USP48: variants seen among roughly 807,000 people sequenced by gnomAD.
The protein encoded by USP48 is ubiquitin specific peptidase 48.
Under a neutral mutation model 150.7 loss-of-function variants are expected in USP48, and 43 were observed. The observed-to-expected ratio is 0.29, with a 90% confidence interval of 0.22 to 0.37. The LOEUF is 0.37. Ranked by LOEUF, USP48 falls within the 10% of genes least tolerant of loss-of-function variation. The pLI, the probability that USP48 is intolerant of heterozygous loss-of-function variation, is 1.00. For synonymous variants in USP48, 396 were observed against 425.9 expected (o/e 0.93, Z 0.86); for missense variants, 813 against 1,249.6 (o/e 0.65, Z 5.27).
chr1:21,760,373 CAAAA>C (rs2097847020), intron 1 of USP48, among the ~76,000 whole-genome samples: 1 of 152,140 alleles, frequency 6.6e-6, no homozygotes, highest in African/African-American at 2.4e-5. Context: ...ATGGAAGTAA[CAAAA>C]TAAATTACAA....
intron 9 of USP48, among the ~76,000 whole-genome samples, chr1:21,730,767 CTTTT>C (rs202206884): frequency 7.0e-6 from 1 of 143,308 alleles, no homozygotes. Flanking sequence ...TATTTTTATT[CTTTT>C]TTTTTTTTTT....
chr1:21,765,901 C>CAAAA lies in USP48; in HGVS notation c.135-8122_135-8119dup, dbSNP rs199539331. On this transcript the variant is annotated intron_variant, in intron 1 of 26. Transcript: ENST00000308271. Reference sequence around the variant, plus strand: ...GGGCAACAAAGTGAGACTCCATCTCCAAAAAAAAAAAAAAAAAAAAAAAAA... The same window carrying CAAAA: ...GGGCAACAAAGTGAGACTCCATCTCCAAAAAAAAAAAAAAAAAAAAAAAAAAAAA... Among the ~76,000 whole-genome samples the CAAAA allele has an allele frequency of 1.2e-4, 13 of 112,142 alleles. 1 individual carries two copies. The highest frequency in any genetic ancestry group is 5.3e-4 in the African/African-American group (13 of 24,336). The allele number at this position is 112,142 out of a possible 152,430, so 73.6% of individuals were successfully genotyped here.
At chr1:21,757,881 A>G in intron 1 of USP48, 98 bp from the exon 2 acceptor site, 2 of 1,386,930 alleles carry the variant, frequency 1.4e-6, no homozygotes, top group Non-Finnish European at 1.9e-6. Context: ...CTCATCTATA[A>G]ATTAGCAAAA....
intron 1 of USP48, chr1:21,768,717 A>C (rs1253178108): frequency 8.0e-6 from 1 of 124,568 alleles, no homozygotes; most frequent in Non-Finnish European, 1.6e-5. Flanking sequence ...TCTTCTCCTC[A>C]TGGCTCCCAT....
At chr1:21,688,745 C>T (rs143670708) in intron 24 of USP48, among the ~76,000 whole-genome samples, 77 of 147,864 alleles carry the variant, frequency 5.2e-4, no homozygotes, top group African/African-American at 1.7e-3. Flanking sequence ...CGGGAGGCCG[C>T]GGCAGGAGAA....
chr1:21,694,809 G>C lies in USP48; in HGVS notation c.2883+257C>G, dbSNP rs191838011. ...AATAAAGTGAGAGAACAGTTATCCT[G>C]GCACAACCTCAACATGTGACAAATT... On this transcript the variant is annotated intron_variant, in intron 23 of 26. Transcript: ENST00000308271. 1.9e-3 allele frequency among the ~76,000 whole-genome samples: 295 copies of C among 152,076 alleles called. 1 individual carries two copies. Among genetic ancestry groups the C allele is most frequent in the African/African-American group, 6.8e-3 (281 of 41,490 alleles).
chr1:21,680,935 T>C (rs917947601), intron 25 of USP48, 101 bp from the exon 26 acceptor site: 1 of 847,350 alleles, frequency 1.2e-6, no homozygotes, highest in South Asian at 1.7e-5. Flanking sequence ...AAATAACTTT[T>C]GATTACCTTT....
At chr1:21,746,684 T>G (rs1444890625) in intron 8 of USP48, among the ~76,000 whole-genome samples, 2 of 152,208 alleles carry the variant, frequency 1.3e-5, no homozygotes, top group Admixed American at 1.3e-4. Flanking sequence ...CTAATGTTTC[T>G]GGGACAACGT....
At chr1:21,780,296 A>ACACTTAGC (rs1398134892) in intron 1 of USP48, among the ~76,000 whole-genome samples, 1 of 152,228 alleles carries the variant, frequency 6.6e-6, no homozygotes, top group Non-Finnish European at 1.5e-5. Flanking sequence ...GTGAAACCAG[A>ACACTTAGC]CACAAATGGC....
chr1:21,721,256 TACAA>T lies in USP48; in HGVS notation c.1764-94_1764-91del, dbSNP rs564837660. On this transcript the variant is annotated intron_variant, in intron 13 of 26. Coordinates refer to ENST00000308271, the MANE Select transcript of USP48 (RefSeq NM_032236.8). ...GCCTGTAAAAACAACTAAAGTGAAT[TACAA>T]ACACTCAACATCAGCTACTGTACAT... 145 of 1,514,514 alleles carry T rather than the reference TACAA, an allele frequency of 9.6e-5. 2 individuals carry two copies. In the Middle Eastern group the frequency reaches 1.0e-3, roughly 11 times the overall value. The allele number at this position is 1,514,514 out of a possible 1,614,324, so 93.8% of individuals were successfully genotyped here.
chr1:21,720,373 CAT>C (rs1318367755), intron 14 of USP48, among the ~76,000 whole-genome samples: 2 of 152,168 alleles, frequency 1.3e-5, no homozygotes, highest in African/African-American at 2.4e-5. Flanking sequence ...GAAAATTTCA[CAT>C]GTGAGTTGCT....
intron 25 of USP48, among the ~76,000 whole-genome samples, chr1:21,685,715 C>T (rs76243843): frequency 0.051 from 7,747 of 152,290 alleles, 240 homozygotes; most frequent in Middle Eastern, 0.065. Context: ...AATCACTACA[C>T]TACAGAAACT....
intron 1 of USP48, among the ~76,000 whole-genome samples, chr1:21,757,991 C>T (rs1420126987): frequency 6.6e-6 from 1 of 152,112 alleles, no homozygotes; most frequent in African/African-American, 2.4e-5. Flanking sequence ...ACATAGACAA[C>T]TACCTTTAGA....
intron 11 of USP48, among the ~76,000 whole-genome samples, chr1:21,727,409 C>T (rs907271324): frequency 6.6e-6 from 1 of 152,154 alleles, no homozygotes; most frequent in Admixed American, 6.5e-5. Context: ...TGAATGAAAA[C>T]AGCCAAAGGA....
At chr1:21,682,444 C>CT (rs139299505) in intron 25 of USP48, among the ~76,000 whole-genome samples, 13,889 of 144,312 alleles carry the variant, frequency 0.096, 864 homozygotes, top group East Asian at 0.27. Flanking sequence ...CTATTGTTTG[C>CT]TTTTTTTTTT....
In USP48 at chr1:21,783,020, G is replaced by A. The variant is rs776078570; in HGVS notation, c.-63C>T. ...CGCAGCCGCCGCCGCGGTCTGCACC[G>A]CCGCCCCAATGGGCTTCGCCACCTG... On this transcript the variant is annotated 5_prime_UTR_variant, in exon 1 of 27. Coordinates refer to ENST00000308271, the MANE Select transcript of USP48 (RefSeq NM_032236.8). 5 of 1,443,120 alleles carry A rather than the reference G, an allele frequency of 3.5e-6. No homozygotes were observed. The highest frequency in any genetic ancestry group is 4.5e-6 in the Non-Finnish European group (5 of 1,108,944). The allele number at this position is 1,443,120 out of a possible 1,614,324, so 89.4% of individuals were successfully genotyped here.
At chr1:21,714,620 G>A (rs2097699362) in intron 15 of USP48, among the ~76,000 whole-genome samples, 1 of 152,166 alleles carries the variant, frequency 6.6e-6, no homozygotes, top group South Asian at 2.1e-4. Flanking sequence ...TTGAGAAACA[G>A]ACACCTGCTT....
At chr1:21,701,721 G>T in intron 21 of USP48, 119 bp from the exon 22 acceptor site, 1 of 706,710 alleles carries the variant, frequency 1.4e-6, no homozygotes, top group Non-Finnish European at 2.5e-6. Flanking sequence ...TATCATGGTG[G>T]GATTATAGAC....
chr1:21,720,964 C>A (rs1430733018), intron 14 of USP48, 72 bp downstream of exon 14: 1 of 1,573,364 alleles, frequency 6.4e-7, no homozygotes, highest in South Asian at 1.2e-5. Context: ...ACGAATGAGC[C>A]ACCGTGCCTG....
Sources: gnomAD v4.1 joint callset for allele counts (sites outside exome capture counted in the v4.1 genomes callset) on GRCh38, gnomAD v4.1.1 for gene constraint, MANE v1.5 for transcripts, NCBI Gene and HGNC (gene_info 2026-07-23, HGNC 2026-07-21) for gene names.